Variants in LRP5 observed in about 807,000 individuals in gnomAD.
LRP5 encodes the protein LDL receptor related protein 5.
A neutral mutation model predicts 154.1 loss-of-function variants in LRP5; 62 were observed. That is an observed-to-expected ratio of 0.40 (90% confidence interval 0.33 to 0.50). The LOEUF (loss-of-function observed/expected upper bound fraction) is 0.50, where lower values mean the gene tolerates loss of function less well. Ranked by LOEUF, LRP5 falls within the 20% of genes least tolerant of loss-of-function variation. LRP5 has a pLI of 0.55. For missense variants in LRP5, 1,915 were observed against 2,336.7 expected, an observed-to-expected ratio of 0.82 and a Z score of 3.72; for synonymous variants, 966 against 1,011.5, an observed-to-expected ratio of 0.96 and a Z score of 0.85.
chr11:68,417,804 G>C (rs1253265028), intron 13 of LRP5, among the ~76,000 whole-genome samples: 4 of 149,434 alleles, frequency 2.7e-5, no homozygotes, highest in African/African-American at 9.8e-5. Flanking sequence ...GTGTGGTGGC[G>C]GGTGCCTGTA....
intron 20 of LRP5, 132 bp from the exon 21 acceptor site, chr11:68,439,645 C>T: frequency 1.0e-6 from 1 of 974,376 alleles, no homozygotes; most frequent in East Asian, 2.6e-5. Context: ...GAGCGGGGCA[C>T]ATTTCCAACA....
intron 2 of LRP5, among the ~76,000 whole-genome samples, chr11:68,348,617 C>T (rs1023278784): frequency 6.8e-6 from 1 of 147,252 alleles, no homozygotes; most frequent in South Asian, 2.2e-4. Context: ...GGGGGGTTGG[C>T]TCAGGCCTGT....
At chr11:68,308,017 C>T (rs1368318845), upstream of LRP5, among the ~76,000 whole-genome samples, 1 of 152,230 alleles carries the variant, frequency 6.6e-6, no homozygotes, top group African/African-American at 2.4e-5. Flanking sequence ...TGGCCTGTTA[C>T]CAACCAAGCC....
In LRP5 at chr11:68,403,570, A is replaced by T. The variant is rs2098653869; in HGVS notation, c.1672A>T (p.Ile558Phe). ...IFGFTLLGDF[I>F]YWTDWQRRSI... is the part of the protein sequence containing the mutation. ...TGGGTTCACGCTGCTGGGGGACTTC[A>T]TCTACTGGACTGACTGGCAGCGCCG... is the stretch of plus-strand genomic sequence containing the variant. Residue 558 changes from isoleucine (I) to phenylalanine (F), a missense_variant, in exon 8 of 23, where the codon ATC (isoleucine) becomes TTC (phenylalanine). By Grantham distance (21) the Ile-to-Phe change is conservative. Coordinates refer to ENST00000294304, the MANE Select transcript of LRP5 (RefSeq NM_002335.4). The T allele has an allele frequency of 6.2e-7, 1 of 1,614,060 alleles. No homozygotes were observed. The highest frequency in any genetic ancestry group is 8.5e-7 in the Non-Finnish European group (1 of 1,180,038).
chr11:68,308,524 C>T (rs573129195), upstream of LRP5, among the ~76,000 whole-genome samples: 2 of 152,266 alleles, frequency 1.3e-5, no homozygotes, highest in Non-Finnish European at 2.9e-5. Flanking sequence ...GACAGGCAAC[C>T]GTCTGGGGAA....
At chr11:68,363,569 A>G (rs1043445591) in intron 3 of LRP5, among the ~76,000 whole-genome samples, 178 bp from the exon 4 acceptor site, 6 of 151,852 alleles carry the variant, frequency 4.0e-5, no homozygotes, top group Non-Finnish European at 5.9e-5. Flanking sequence ...AGGCAGGATA[A>G]TTGCTTGAAC....
intron 3 of LRP5, among the ~76,000 whole-genome samples, chr11:68,363,353 G>A (rs1275285851): frequency 6.6e-6 from 1 of 152,164 alleles, no homozygotes; most frequent in South Asian, 2.1e-4. Flanking sequence ...GGCCTCACTT[G>A]TCTGGTTGAA....
intron 5 of LRP5, among the ~76,000 whole-genome samples, chr11:68,373,076 G>A (rs376627060): frequency 6.6e-6 from 1 of 152,274 alleles, no homozygotes; most frequent in Admixed American, 6.5e-5. Context: ...TGTGGGGGGC[G>A]GCGCTAGCAT....
rs558958553 is a variant in LRP5, at chr11:68,325,576, G to A, written c.91+12771G>A. The stretch of plus-strand genomic sequence containing the variant: ...GCAGAAGCTGCTGTTTCGGACACCC[G>A]AGGTATTCCCAGCCTCCTTCCCCTA... On this transcript the variant is annotated intron_variant, in intron 1 of 22. Transcript: ENST00000294304. Among the ~76,000 whole-genome samples the A allele has an allele frequency of 1.1e-4, 17 of 152,322 alleles. No homozygotes were observed. In the East Asian group the frequency reaches 2.3e-3, roughly 21 times the overall value.
intron 7 of LRP5, among the ~76,000 whole-genome samples, chr11:68,399,093 G>C (rs2098651195): frequency 6.6e-6 from 1 of 152,130 alleles, no homozygotes; most frequent in African/African-American, 2.4e-5. Context: ...GGCTGAGGTG[G>C]GAGGATCGCT....
chr11:68,385,662 C>T (rs538931878), intron 5 of LRP5, among the ~76,000 whole-genome samples: 45 of 152,084 alleles, frequency 3.0e-4, no homozygotes, highest in African/African-American at 1.0e-3. Context: ...CCCCGGGTCT[C>T]AGGCCTCAGA....
rs575318294 is a variant in LRP5 at position 68,414,972 on chromosome 11, C to T, written c.2827+960C>T. On this transcript the variant is annotated intron_variant, in intron 12 of 22. Transcript: ENST00000294304. Reference sequence around the variant, plus strand: ...GCCAAATGGAGGTGCAGGTAACCCACGGCAAGGAGGGGTTGCCATGACTCA... The same window carrying T: ...GCCAAATGGAGGTGCAGGTAACCCATGGCAAGGAGGGGTTGCCATGACTCA... Among the ~76,000 whole-genome samples, 18 of 152,330 alleles carry T rather than the reference C, an allele frequency of 1.2e-4. No homozygotes were observed. In the South Asian group the frequency reaches 1.2e-3, roughly 11 times the overall value.
intron 17 of LRP5, among the ~76,000 whole-genome samples, chr11:68,430,093 T>A (rs1410556895): frequency 6.6e-6 from 1 of 152,238 alleles, no homozygotes; most frequent in Non-Finnish European, 1.5e-5. Context: ...GAGCTTATTT[T>A]ATATGATTTC....
rs1270099590 is a variant in LRP5, at chr11:68,361,057, G to A, written c.687-2690G>A. 3.7e-5 allele frequency among the ~76,000 whole-genome samples: 5 copies of A among 133,378 alleles called. No homozygotes were observed. In the South Asian group the frequency reaches 1.3e-3, roughly 34 times the overall value. 87.5% of individuals were successfully genotyped at this position (133,378 alleles called of 152,430 possible). A position where few individuals can be genotyped will look rare whatever the true frequency, so the allele number is the denominator to read the frequency against. ...GCGGTGGCTCACGCCTGTAATCCCA[G>A]CACTTTGGGAGGCTGAGACGGGCGG... is the stretch of plus-strand genomic sequence containing the variant. On this transcript the variant is annotated intron_variant, in intron 3 of 22. Coordinates refer to ENST00000294304, the MANE Select transcript of LRP5 (RefSeq NM_002335.4).
chr11:68,422,140 G>GT (rs2153172328), intron 13 of LRP5, among the ~76,000 whole-genome samples: 1 of 152,152 alleles, frequency 6.6e-6, no homozygotes, highest in Non-Finnish European at 1.5e-5. Context: ...TACAGATGGA[G>GT]TCTTGCTATG....
chr11:68,385,706 G>T (rs1194514987), intron 5 of LRP5, among the ~76,000 whole-genome samples: 1 of 150,626 alleles, frequency 6.6e-6, no homozygotes, highest in Non-Finnish European at 1.5e-5. Context: ...TGGCCTGGGA[G>T]CATCTGGGCA....
At chr11:68,414,780 T>C (rs552861504) in intron 12 of LRP5, among the ~76,000 whole-genome samples, 13 of 152,336 alleles carry the variant, frequency 8.5e-5, no homozygotes, top group Admixed American at 7.2e-4. Context: ...TGGTCTTGCC[T>C]GTCCCAGCTG....
chr11:68,360,371 G>A (rs2098626807), intron 3 of LRP5, among the ~76,000 whole-genome samples: 1 of 151,970 alleles, frequency 6.6e-6, no homozygotes, highest in Non-Finnish European at 1.5e-5. Flanking sequence ...TTTGCCCAGA[G>A]CCACACAGCT....
intron 14 of LRP5, among the ~76,000 whole-genome samples, chr11:68,424,796 G>A (rs1565102101): frequency 6.6e-6 from 1 of 152,180 alleles, no homozygotes; most frequent in Non-Finnish European, 1.5e-5. Flanking sequence ...CACATGGCGT[G>A]GCCTCTTCTG....
Sources: allele counts gnomAD v4.1 joint callset (sites outside exome capture counted in the v4.1 genomes callset), GRCh38; gene constraint gnomAD v4.1.1; transcripts MANE v1.5; gene names NCBI Gene and HGNC (gene_info 2026-07-23, HGNC 2026-07-21).